Variants in FTO observed in about 807,000 individuals in gnomAD.
FTO encodes FTO alpha-ketoglutarate dependent dioxygenase.
Under a neutral mutation model 63.9 loss-of-function variants are expected in FTO, and 47 were observed. That is an observed-to-expected ratio of 0.74 (90% CI 0.58 to 0.94). FTO has a LOEUF of 0.94. Ranked by LOEUF, FTO falls within the 40% of genes least tolerant of loss-of-function variation. FTO has a pLI of 0.00. For missense variants in FTO, 562 were observed against 618.1 expected (o/e 0.91, Z 0.96); for synonymous variants, 207 against 224.4 (o/e 0.92, Z 0.69).
rs536525403 is a variant in FTO at position 53,812,319 on chromosome 16, G to A, written c.123+2102G>A. ...AGTCTAGCTGTGTTGTGTGCAGGCT[G>A]GAGTGCAGTGGCGCGATCTGAGCTC... On this transcript the variant is annotated intron_variant, in intron 2 of 8. Coordinates refer to ENST00000471389, the MANE Select transcript of FTO (RefSeq NM_001080432.3). Among the ~76,000 whole-genome samples, 10 of 150,450 alleles carry A rather than the reference G, an allele frequency of 6.6e-5. No individual in the cohort carries two copies. The South Asian group carries it at 2.1e-3, about 32-fold the overall frequency.
At chr16:54,059,526 A>G (rs1247774022) in intron 8 of FTO, among the ~76,000 whole-genome samples, 2 of 151,944 alleles carry the variant, frequency 1.3e-5, no homozygotes, top group Non-Finnish European at 2.9e-5. Context: ...GGCACTCATA[A>G]TTTCCTGTTT....
chr16:53,788,692 G>C (rs1435765917), intron 1 of FTO, among the ~76,000 whole-genome samples: 1 of 151,626 alleles, frequency 6.6e-6, no homozygotes, highest in Non-Finnish European at 1.5e-5. Context: ...TTTAGTACTG[G>C]CATTTCTTCT....
chr16:53,738,172 G>T (rs2076434678), intron 1 of FTO, among the ~76,000 whole-genome samples: 1 of 151,886 alleles, frequency 6.6e-6, no homozygotes, highest in South Asian at 2.1e-4. Flanking sequence ...ACAAGCATGC[G>T]CCACCACGCC....
intron 1 of FTO, among the ~76,000 whole-genome samples, chr16:53,781,478 A>G (rs2077587819): frequency 6.6e-6 from 1 of 152,188 alleles, no homozygotes; most frequent in Non-Finnish European, 1.5e-5. Flanking sequence ...CACCCACCAC[A>G]TTCAGTGGTG....
chr16:53,902,760 C>T (rs2081434460), intron 7 of FTO, among the ~76,000 whole-genome samples: 2 of 152,300 alleles, frequency 1.3e-5, no homozygotes, highest in South Asian at 4.1e-4. Context: ...TGAGCTTTCT[C>T]AGAGCTGTTT....
chr16:53,898,109 C>T (rs2081315891), intron 7 of FTO, among the ~76,000 whole-genome samples: 1 of 152,146 alleles, frequency 6.6e-6, no homozygotes, highest in Non-Finnish European at 1.5e-5. Flanking sequence ...GTTTCACTCC[C>T]CTGTTTCAAA....
intron 8 of FTO, among the ~76,000 whole-genome samples, chr16:53,940,934 T>A (rs1436504798): frequency 6.6e-6 from 1 of 152,218 alleles, no homozygotes; most frequent in Non-Finnish European, 1.5e-5. Context: ...ACTCTGGACA[T>A]CTTTGTTAAG....
At chr16:53,790,636 TA>T (rs1428384994) in intron 1 of FTO, among the ~76,000 whole-genome samples, 1 of 74,568 alleles carries the variant, frequency 1.3e-5, no homozygotes, top group African/African-American at 5.4e-5. Context: ...GAAAGAAAAA[TA>T]TTGACTTTGA....
At chr16:53,980,611 G>A (rs1258573065) in intron 8 of FTO, among the ~76,000 whole-genome samples, 2 of 152,130 alleles carry the variant, frequency 1.3e-5, no homozygotes, top group African/African-American at 4.8e-5. Flanking sequence ...CTTCCAACCA[G>A]GTTAGGATCC....
At chr16:54,106,313 G>A (rs7201749) in intron 8 of FTO, among the ~76,000 whole-genome samples, 14,071 of 151,670 alleles carry the variant, frequency 0.093, 2,191 homozygotes, top group African/African-American at 0.32. Flanking sequence ...GACACCTTTC[G>A]GCTGCTTCCT....
chr16:53,984,321 C>CCTTTTTTTTT (rs1555500067), intron 8 of FTO, among the ~76,000 whole-genome samples: 5 of 67,286 alleles, frequency 7.4e-5, no homozygotes, highest in African/African-American at 2.2e-4. Context: ...TGGAATGGGT[C>CCTTTTTTTTT]TTTTTTTTTT....
chr16:53,880,481 T>C lies in FTO; in HGVS notation c.1119+494T>C, dbSNP rs999345819. ...ATTTTTGTGTTAGTTCACGAACTTA[T>C]TCTGTTCAGGCTGCAGTAACAAAAT... On this transcript the variant is annotated intron_variant, in intron 6 of 8. Transcript: ENST00000471389. 3.3e-5 allele frequency among the ~76,000 whole-genome samples: 5 copies of C among 152,208 alleles called. No homozygotes were observed. The South Asian group carries it at 1.0e-3, about 32-fold the overall frequency.
Position 53,837,711 on chromosome 16 carries a change from C to T in FTO, c.752-6444C>T, listed in dbSNP as rs550024971. Among the ~76,000 whole-genome samples, 5 of 149,088 alleles carry T rather than the reference C, an allele frequency of 3.4e-5. No homozygotes were observed. The East Asian group carries it at 9.7e-4, about 29-fold the overall frequency. On this transcript the variant is annotated intron_variant, in intron 3 of 8. Coordinates refer to ENST00000471389, the MANE Select transcript of FTO (RefSeq NM_001080432.3). The stretch of plus-strand genomic sequence containing the variant: ...TTTCTTTCCTAGTGATGTAGTCCAT[C>T]AGCTGTGTTTCCTAAATGCTCTCTG...
chr16:53,906,112 A>T (rs1194835010), intron 7 of FTO, among the ~76,000 whole-genome samples: 1 of 152,238 alleles, frequency 6.6e-6, no homozygotes, highest in Non-Finnish European at 1.5e-5. Context: ...CACCAGCTCC[A>T]GGCATCGGGG....
intron 8 of FTO, among the ~76,000 whole-genome samples, chr16:54,106,856 A>T (rs893782228): frequency 1.5e-5 from 2 of 137,736 alleles, no homozygotes; most frequent in African/African-American, 2.6e-5. Context: ...ATATATAATA[A>T]TTATATATAA....
At chr16:53,973,543 T>C (rs1437031618) in intron 8 of FTO, among the ~76,000 whole-genome samples, 1 of 152,136 alleles carries the variant, frequency 6.6e-6, no homozygotes, top group African/African-American at 2.4e-5. Context: ...AGGGCTAGTT[T>C]TGAGGATAGT....
chr16:53,851,034 A>G (rs535970151), intron 4 of FTO, among the ~76,000 whole-genome samples: 4 of 152,172 alleles, frequency 2.6e-5, no homozygotes, highest in Non-Finnish European at 5.9e-5. Context: ...CTTGTTCAAT[A>G]TGACACTACC....
chr16:53,984,619 C>T (rs888821421), intron 8 of FTO, among the ~76,000 whole-genome samples: 2 of 152,110 alleles, frequency 1.3e-5, no homozygotes, highest in Non-Finnish European at 2.9e-5. Context: ...CTGTGCCCAT[C>T]CAGAATGTGT....
intron 8 of FTO, among the ~76,000 whole-genome samples, chr16:53,953,896 TG>T (rs1347834095): frequency 2.0e-5 from 3 of 152,322 alleles, no homozygotes; most frequent in Middle Eastern, 3.4e-3. Context: ...AAACAATGTG[TG>T]GTGATGCCAG....
Sources: allele counts gnomAD v4.1 joint callset (sites outside exome capture counted in the v4.1 genomes callset), GRCh38; gene constraint gnomAD v4.1.1; transcripts MANE v1.5; gene names NCBI Gene and HGNC (gene_info 2026-07-23, HGNC 2026-07-21).